The following ZNF43 variants were observed in gnomAD, a reference collection of about 807,000 sequenced individuals.
The protein encoded by ZNF43 is zinc finger protein 39-like 1 (KOX 27).
A neutral mutation model predicts 68.4 loss-of-function variants in ZNF43; 44 were observed. That is an observed-to-expected ratio of 0.64 (90% CI 0.51 to 0.83). The LOEUF is 0.83. Among genes scored for constraint, ZNF43 ranks in the 40% least tolerant of loss-of-function variants. ZNF43 has a pLI of 0.00. For synonymous variants in ZNF43, 308 were observed against 307.8 expected (o/e 1.00, Z -0.01); for missense variants, 896 against 933.2 (o/e 0.96, Z 0.52).
In ZNF43 at chr19:21,834,662, G is replaced by A. The variant is rs143045628; in HGVS notation, c.3+1374C>T. Among the ~76,000 whole-genome samples, 465 of 151,918 alleles carry A rather than the reference G, an allele frequency of 3.1e-3. 1 individual carries two copies. The highest frequency in any genetic ancestry group is 0.011 in the African/African-American group (446 of 41,450). The stretch of plus-strand genomic sequence containing the variant: ...TAATTCCAGCTACTCGGGAGGCTGA[G>A]GCAGGAGAATCGGTTGAACCCGGGA... On this transcript the variant is annotated intron_variant, in intron 1 of 3. Coordinates refer to ENST00000354959, the MANE Select transcript of ZNF43 (RefSeq NM_003423.4).
chr19:21,811,504 C>A, intron 3 of ZNF43, among the ~76,000 whole-genome samples: 1 of 149,748 alleles, frequency 6.7e-6, no homozygotes. Context: ...CACTGCACTC[C>A]AGCCTGGGCA....
intron 1 of ZNF43, among the ~76,000 whole-genome samples, chr19:21,832,046 G>A (rs1291490623): frequency 6.6e-6 from 1 of 152,094 alleles, no homozygotes; most frequent in Non-Finnish European, 1.5e-5. Context: ...TAAAATAAAT[G>A]TGGAACTAAA....
At chr19:21,839,121 C>T (rs1445437877), upstream of ZNF43, among the ~76,000 whole-genome samples, 1 of 152,046 alleles carries the variant, frequency 6.6e-6, no homozygotes, top group African/African-American at 2.4e-5. Flanking sequence ...AGGAGAGTCA[C>T]ATCACCTAGG....
chr19:21,824,110 C>T (rs755601636), intron 1 of ZNF43, among the ~76,000 whole-genome samples: 2 of 152,048 alleles, frequency 1.3e-5, no homozygotes, highest in Non-Finnish European at 2.9e-5. Context: ...GACATGAACC[C>T]GGGAGGCGGA....
intron 1 of ZNF43, among the ~76,000 whole-genome samples, chr19:21,827,941 G>A (rs1433038022): frequency 4.6e-5 from 7 of 152,106 alleles, no homozygotes; most frequent in Non-Finnish European, 8.8e-5. Flanking sequence ...GATTACAGGC[G>A]TAAGGCACCG....
At position 21,819,237 on chromosome 19, in the gene ZNF43, C is replaced by T. The variant is rs778968631; in HGVS notation, c.4-16G>A. 44 of 1,576,840 alleles carry T rather than the reference C, an allele frequency of 2.8e-5. No homozygotes were observed. The highest frequency in any genetic ancestry group is 2.2e-4 in the South Asian group (19 of 84,916). The stretch of plus-strand genomic sequence containing the variant: ...TCAATGGTCCCTAAAAAAAACAACA[C>T]ATACACACACAAACACACACATTTA... On this transcript the variant is annotated splice_polypyrimidine_tract_variant and intron_variant, in intron 1 of 3. Coordinates refer to ENST00000354959, the MANE Select transcript of ZNF43 (RefSeq NM_003423.4).
At chr19:21,845,895 A>G (rs895522893) in intron 1 of ZNF43, among the ~76,000 whole-genome samples, 1 of 147,210 alleles carries the variant, frequency 6.8e-6, no homozygotes, top group African/African-American at 2.5e-5. Context: ...CTCTGTCTCA[A>G]AAAAAAAAAA....
At chr19:21,835,660 T>C (rs1230104639) in intron 1 of ZNF43, among the ~76,000 whole-genome samples, 2 of 152,020 alleles carry the variant, frequency 1.3e-5, no homozygotes, top group African/African-American at 2.4e-5. Flanking sequence ...CGGCCGACTC[T>C]CCTGTTTCTA....
intron 1 of ZNF43, among the ~76,000 whole-genome samples, chr19:21,844,946 A>ATG (rs1322170326): frequency 7.4e-6 from 1 of 135,272 alleles, no homozygotes; most frequent in Admixed American, 7.4e-5. Flanking sequence ...ATATATATAT[A>ATG]TGTTACAATG....
intron 1 of ZNF43, among the ~76,000 whole-genome samples, chr19:21,829,086 G>A (rs1156538946): frequency 7.7e-5 from 11 of 142,602 alleles, no homozygotes; most frequent in African/African-American, 1.3e-4. Context: ...GTGGTGGCAC[G>A]TGCCTGTAGT....
chr19:21,811,174 T>C (rs912056676), intron 3 of ZNF43, among the ~76,000 whole-genome samples: 2 of 152,178 alleles, frequency 1.3e-5, no homozygotes, highest in Non-Finnish European at 2.9e-5. Flanking sequence ...ATATAATCTC[T>C]ACATAAAATT....
intron 1 of ZNF43, among the ~76,000 whole-genome samples, chr19:21,820,741 C>T (rs1033731991): frequency 6.6e-6 from 1 of 152,042 alleles, no homozygotes; most frequent in Non-Finnish European, 1.5e-5. Context: ...GATATTGCCC[C>T]CAAAAAGTAA....
Position 21,849,595 on chromosome 19 carries a change from A to G in ZNF43, c.30+2310T>C, listed in dbSNP as rs142093709. Among the ~76,000 whole-genome samples the G allele has an allele frequency of 8.8e-3, 1,334 of 151,564 alleles. 24 individuals carry two copies. Among genetic ancestry groups the G allele is most frequent in the African/African-American group, 0.031 (1,268 of 41,310 alleles). The stretch of plus-strand genomic sequence containing the variant: ...GAGGCCGAGGTGGGTGGATCACCTA[A>G]GGTCAGGAGTTCAAGAGCAGCCTGG... On this transcript the variant is annotated intron_variant, in intron 1 of 3. Coordinates refer to the ZNF43 transcript ENST00000357491.
At chr19:21,823,495 T>A (rs1377631722) in intron 1 of ZNF43, among the ~76,000 whole-genome samples, 2 of 151,954 alleles carry the variant, frequency 1.3e-5, no homozygotes, top group Non-Finnish European at 2.9e-5. Context: ...CGCAAAGATG[T>A]CTAGTTGATT....
At chr19:21,840,911 A>G (rs1967482296), upstream of ZNF43, 1 of 152,208 alleles carries the variant, frequency 6.6e-6, no homozygotes, top group Admixed American at 6.5e-5. Context: ...TCACCTGCCT[A>G]TGAGCTAGGT....
chr19:21,844,918 A>C (rs1967821065), intron 1 of ZNF43, among the ~76,000 whole-genome samples: 1 of 108,580 alleles, frequency 9.2e-6, no homozygotes, highest in South Asian at 2.7e-4. Flanking sequence ...AAAAAAAAAA[A>C]AAAATATATA....
chr19:21,828,508 A>T (rs1460712410), intron 1 of ZNF43, among the ~76,000 whole-genome samples: 3 of 151,960 alleles, frequency 2.0e-5, no homozygotes, highest in Non-Finnish European at 4.4e-5. Context: ...TGAGGTCAGG[A>T]GTTCGAGACC....
At chr19:21,831,758 G>A (rs1303310449) in intron 1 of ZNF43, among the ~76,000 whole-genome samples, 2 of 152,014 alleles carry the variant, frequency 1.3e-5, no homozygotes, top group African/African-American at 4.8e-5. Flanking sequence ...CAACAATATT[G>A]AAGCCAAAAG....
At chr19:21,828,492 A>G (rs2038247949) in intron 1 of ZNF43, among the ~76,000 whole-genome samples, 1 of 151,970 alleles carries the variant, frequency 6.6e-6, no homozygotes, top group Admixed American at 6.6e-5. Flanking sequence ...AGGCGGGTGG[A>G]TCACCTGAGG....
Sources: gnomAD v4.1 joint callset for allele counts (sites outside exome capture counted in the v4.1 genomes callset) on GRCh38, gnomAD v4.1.1 for gene constraint, MANE v1.5 for transcripts, NCBI Gene and HGNC (gene_info 2026-07-23, HGNC 2026-07-21) for gene names.